The following OPTN variants were observed in gnomAD, a reference collection of about 807,000 sequenced individuals.
OPTN encodes E3-14.7K-interacting protein.
Under a neutral mutation model 70.4 loss-of-function variants are expected in OPTN, and 54 were observed. That is an observed-to-expected ratio of 0.77 (90% confidence interval 0.62 to 0.96). The LOEUF (loss-of-function observed/expected upper bound fraction) is 0.96, where lower values mean the gene tolerates loss of function less well. Ranked by LOEUF, OPTN falls within the 40% of genes least tolerant of loss-of-function variation. The probability of loss-of-function intolerance (pLI) is 0.00; values close to 1 mark genes in which losing one functional copy is unlikely to be tolerated. For missense variants in OPTN, 624 were observed against 673.2 expected, an observed-to-expected ratio of 0.93 and a Z score of 0.81; for synonymous variants, 256 against 248.5, an observed-to-expected ratio of 1.03 and a Z score of -0.28.
chr10:13,109,420 G>T, intron 3 of OPTN, 132 bp downstream of exon 3: 1 of 894,608 alleles, frequency 1.1e-6, no homozygotes, highest in Non-Finnish European at 1.8e-6. Context: ...GGAAGCACAG[G>T]ATTTAGCATT....
intron 8 of OPTN, 67 bp from the exon 9 acceptor site, chr10:13,123,928 C>A: frequency 8.5e-7 from 1 of 1,178,760 alleles, no homozygotes; most frequent in Non-Finnish European, 1.3e-6. Flanking sequence ...CCTGTTTTCT[C>A]CTAAAGAGGT....
intron 12 of OPTN, among the ~76,000 whole-genome samples, chr10:13,128,150 T>A (rs1316146752): frequency 6.6e-6 from 1 of 152,254 alleles, no homozygotes. Flanking sequence ...AAGACATTCC[T>A]GTGCATGTTG....
intron 1 of OPTN, among the ~76,000 whole-genome samples, chr10:13,101,871 G>A (rs1832756395): frequency 6.6e-6 from 1 of 152,160 alleles, no homozygotes; most frequent in African/African-American, 2.4e-5. Context: ...CTACACAGCA[G>A]AAAGCATTTT....
chr10:13,105,534 A>T (rs1328523378), intron 1 of OPTN, among the ~76,000 whole-genome samples: 1 of 152,202 alleles, frequency 6.6e-6, no homozygotes, highest in African/African-American at 2.4e-5. Context: ...GCAATGTGAG[A>T]AGTCAGAAAC....
At chr10:13,101,259 C>G (rs1290970805) in intron 1 of OPTN, among the ~76,000 whole-genome samples, 1 of 152,222 alleles carries the variant, frequency 6.6e-6, no homozygotes, top group Non-Finnish European at 1.5e-5. Context: ...CATAATTCAT[C>G]TGTTTTTCCA....
chr10:13,124,151 C>G, intron 9 of OPTN, 41 bp downstream of exon 9: 1 of 1,189,564 alleles, frequency 8.4e-7, no homozygotes, highest in South Asian at 1.3e-5. Context: ...TTGAAATATA[C>G]ATTTTTACAA....
intron 1 of OPTN, chr10:13,104,700 G>A (rs1832826448): frequency 4.3e-6 from 3 of 689,800 alleles, no homozygotes; most frequent in Non-Finnish European, 8.2e-6. Context: ...AAGGGATCAA[G>A]TCCCTGCAAT....
intron 12 of OPTN, among the ~76,000 whole-genome samples, chr10:13,128,468 T>C (rs1290975433): frequency 7.3e-6 from 1 of 136,216 alleles, no homozygotes; most frequent in Non-Finnish European, 1.6e-5. Flanking sequence ...GCCTTTGAGG[T>C]ATCCTCTTTT....
At chr10:13,110,034 G>T in intron 3 of OPTN, 1 of 572,892 alleles carries the variant, frequency 1.7e-6, no homozygotes, top group Non-Finnish European at 3.0e-6. Context: ...CTGTAGTGGC[G>T]GTACCCAAAT....
intron 5 of OPTN, among the ~76,000 whole-genome samples, chr10:13,114,747 CAATTATATAATTGCATATATA>C (rs1200377465): frequency 1.9e-5 from 1 of 51,406 alleles, no homozygotes; most frequent in African/African-American, 6.1e-5. Flanking sequence ...ATATATTCTA[CAATTATATAATTGCATATATA>C]ATTATATAAT....
At chr10:13,129,437 C>G (rs1442144806) in intron 12 of OPTN, among the ~76,000 whole-genome samples, 1 of 151,966 alleles carries the variant, frequency 6.6e-6, no homozygotes, top group African/African-American at 2.4e-5. Context: ...ACTGCAACCT[C>G]CACCTCCCGG....
chr10:13,105,588 T>C (rs1832848068), intron 1 of OPTN, among the ~76,000 whole-genome samples: 1 of 152,148 alleles, frequency 6.6e-6, no homozygotes, highest in South Asian at 2.1e-4. Context: ...ATTATGGTGG[T>C]ATCTGTAGGC....
chr10:13,110,172 C>T, intron 3 of OPTN, 102 bp from the exon 4 acceptor site: 1 of 1,558,406 alleles, frequency 6.4e-7, no homozygotes, highest in Non-Finnish European at 8.7e-7. Flanking sequence ...TGGCATCTTT[C>T]AATTCAGAGC....
rs1554768968 is a variant in OPTN, at chr10:13,114,814, T to TTATATAATTATATAACGTA, written c.553-1438_553-1437insCGTATATATAATTATATAA. On this transcript the variant is annotated intron_variant, in intron 5 of 14. Transcript: ENST00000378747. ...TATAATTATATATACATATATATAA[T>TTATATAATTATATAACGTA]TATATAATTATATAATTATATAATT... Among the ~76,000 whole-genome samples the TTATATAATTATATAACGTA allele has an allele frequency of 7.6e-3, 510 of 66,670 alleles. 51 individuals are homozygous for TTATATAATTATATAACGTA. The highest frequency in any genetic ancestry group is 0.01 in the Non-Finnish European group (411 of 39,482). The allele number at this position is 66,670 out of a possible 152,430, so 43.7% of individuals were successfully genotyped here. A position where few individuals can be genotyped will look rare whatever the true frequency, so the allele number is the denominator to read the frequency against.
intron 9 of OPTN, among the ~76,000 whole-genome samples, chr10:13,124,995 T>C (rs1208181430): frequency 6.6e-6 from 1 of 152,236 alleles, no homozygotes; most frequent in Non-Finnish European, 1.5e-5. Context: ...TTAGGGGAAC[T>C]TCCTTTTTCC....
At chr10:13,125,286 G>A in intron 9 of OPTN, 132 bp from the exon 10 acceptor site, 1 of 909,210 alleles carries the variant, frequency 1.1e-6, no homozygotes, top group Non-Finnish European at 1.7e-6. Context: ...GGAGGATTAT[G>A]TATTTCATTT....
intron 12 of OPTN, among the ~76,000 whole-genome samples, chr10:13,130,598 CTG>C (rs1833575997): frequency 6.6e-6 from 1 of 152,050 alleles, no homozygotes; most frequent in East Asian, 1.9e-4. Context: ...ACTGCCAACA[CTG>C]TGAGATGCTG....
At chr10:13,125,857 A>C in intron 10 of OPTN, 89 bp from the exon 11 acceptor site, 4 of 964,750 alleles carry the variant, frequency 4.1e-6, no homozygotes, top group Non-Finnish European at 6.6e-6. Context: ...AGATTTTTCT[A>C]CTGGAGTGTT....
intron 4 of OPTN, 63 bp from the exon 5 acceptor site, chr10:13,112,390 T>A: frequency 6.6e-7 from 1 of 1,506,594 alleles, no homozygotes; most frequent in South Asian, 1.1e-5. Flanking sequence ...ATTAAGGGCA[T>A]GAGCCCATGG....
Sources: gnomAD v4.1 joint callset for allele counts (sites outside exome capture counted in the v4.1 genomes callset) on GRCh38, gnomAD v4.1.1 for gene constraint, MANE v1.5 for transcripts, NCBI Gene and HGNC (gene_info 2026-07-23, HGNC 2026-07-21) for gene names.